The following PSD3 variants were observed in gnomAD, a reference collection of about 807,000 sequenced individuals.
PSD3 encodes PH and SEC7 domain-containing protein 3.
In PSD3, 49 loss-of-function variants were observed where a neutral mutation model predicts 105.5. That is an observed-to-expected ratio of 0.46 (90% CI 0.37 to 0.59). PSD3 has a LOEUF of 0.59. Ranked by LOEUF, PSD3 falls within the 20% of genes least tolerant of loss-of-function variation. The pLI, the probability that PSD3 is intolerant of heterozygous loss-of-function variation, is 0.00. For synonymous variants in PSD3, 557 were observed against 457.8 expected, an observed-to-expected ratio of 1.22 and a Z score of -2.77; for missense variants, 1,561 against 1,263.8, an observed-to-expected ratio of 1.24 and a Z score of -3.57.
intron 9 of PSD3, among the ~76,000 whole-genome samples, chr8:18,702,596 C>T (rs971376598): frequency 6.6e-6 from 1 of 151,870 alleles, no homozygotes; most frequent in Non-Finnish European, 1.5e-5. Context: ...TCTCTTCTAG[C>T]TATAGGTACT....
chr8:18,643,169 C>T (rs1807776129), intron 10 of PSD3, among the ~76,000 whole-genome samples: 2 of 152,168 alleles, frequency 1.3e-5, no homozygotes, highest in Non-Finnish European at 2.9e-5. Flanking sequence ...CTTGCTACAT[C>T]ATCCCATTGT....
At chr8:18,560,808 G>A (rs1186090524) in intron 14 of PSD3, among the ~76,000 whole-genome samples, 3 of 152,154 alleles carry the variant, frequency 2.0e-5, no homozygotes, top group African/African-American at 4.8e-5. Flanking sequence ...TGGTTTCATT[G>A]TATCCCCTTC....
intron 1 of PSD3, among the ~76,000 whole-genome samples, chr8:19,055,260 C>T (rs1416859111): frequency 6.6e-6 from 1 of 152,112 alleles, no homozygotes; most frequent in Admixed American, 6.6e-5. Context: ...GATTTATAGA[C>T]TCTTTTTTTT....
intron 9 of PSD3, among the ~76,000 whole-genome samples, chr8:18,693,493 T>C (rs2131002973): frequency 6.6e-6 from 1 of 152,352 alleles, no homozygotes; most frequent in South Asian, 2.1e-4. Context: ...TTGTTGATTT[T>C]AGGCTACTCA....
At chr8:18,791,880 AAAAC>A (rs1809754681) in intron 8 of PSD3, among the ~76,000 whole-genome samples, 2 of 152,206 alleles carry the variant, frequency 1.3e-5, no homozygotes, top group African/African-American at 4.8e-5. Flanking sequence ...GTATAAGGAA[AAAAC>A]AAACAATCAC....
At chr8:18,810,225 T>G (rs1811579728) in intron 4 of PSD3, among the ~76,000 whole-genome samples, 1 of 152,212 alleles carries the variant, frequency 6.6e-6, no homozygotes, top group Non-Finnish European at 1.5e-5. Flanking sequence ...TGAATTCTGG[T>G]TTGAATCCTC....
At chr8:19,026,617 C>A (rs1187658306) in intron 1 of PSD3, among the ~76,000 whole-genome samples, 1 of 148,936 alleles carries the variant, frequency 6.7e-6, no homozygotes, top group Admixed American at 6.9e-5. Flanking sequence ...ATAATCCCAG[C>A]ACTCTGGGAG....
chr8:18,611,241 T>C (rs1805238793), intron 11 of PSD3, among the ~76,000 whole-genome samples: 1 of 139,084 alleles, frequency 7.2e-6, no homozygotes, highest in Admixed American at 7.4e-5. Flanking sequence ...TAATTTAATG[T>C]AGGATTTTGG....
rs145917397 is a variant in PSD3 at position 18,624,443 on chromosome 8, G to A, written c.2410+8170C>T. ...TTTTTGCCCATTTTTCTACTGAGTT[G>A]TATTTTTTATAAGTAATTTAAAATT... On this transcript the variant is annotated intron_variant, in intron 11 of 15. Transcript: ENST00000327040. Among the ~76,000 whole-genome samples, 1,079 of 145,524 alleles carry A rather than the reference G, an allele frequency of 7.4e-3. 12 individuals are homozygous for A. Among genetic ancestry groups the A allele is most frequent in the African/African-American group, 0.026 (1,021 of 39,256 alleles).
chr8:18,628,225 A>C (rs1466066483), intron 11 of PSD3, among the ~76,000 whole-genome samples: 1 of 151,956 alleles, frequency 6.6e-6, no homozygotes, highest in Non-Finnish European at 1.5e-5. Flanking sequence ...CTATGAATCC[A>C]AGAACCCCAA....
Position 18,984,914 on chromosome 8 carries a change from T to C in PSD3, c.21+28649A>G, listed in dbSNP as rs536007824. Among the ~76,000 whole-genome samples the C allele has an allele frequency of 2.0e-5, 3 of 152,274 alleles. No individual in the cohort carries two copies. The South Asian group carries it at 6.2e-4, about 32-fold the overall frequency. ...TGTCACCAGGAAATGGTCCTAACCCTGACCCATCACGCTTCGCTTTTTTGT... is the reference window on the plus strand; with the variant it reads ...TGTCACCAGGAAATGGTCCTAACCCCGACCCATCACGCTTCGCTTTTTTGT... On this transcript the variant is annotated intron_variant, in intron 1 of 15. Coordinates refer to ENST00000327040, the MANE Select transcript of PSD3 (RefSeq NM_015310.4).
chr8:18,765,914 G>A (rs1407663381), intron 8 of PSD3, among the ~76,000 whole-genome samples: 80 of 151,610 alleles, frequency 5.3e-4, no homozygotes, highest in Non-Finnish European at 2.1e-4. Context: ...GTTGCAGCGA[G>A]CGGAGATGGT....
chr8:18,727,604 C>T (rs1297472187), intron 9 of PSD3, among the ~76,000 whole-genome samples: 1 of 150,870 alleles, frequency 6.6e-6, no homozygotes, highest in South Asian at 2.1e-4. Flanking sequence ...ACACACCCCT[C>T]TTATTCATCT....
Position 18,533,582 on chromosome 8 carries a change from A to T in PSD3, c.*2161T>A, listed in dbSNP as rs1799714449. On this transcript the variant is annotated 3_prime_UTR_variant, in exon 16 of 16. Transcript: ENST00000327040. ...TTAAATAAGTAAAATACATACAGAC[A>T]TTCTATATACATAGATATAGACTGT... The T allele has an allele frequency of 6.6e-6, 1 of 152,200 alleles. No homozygotes were observed. The highest frequency in any genetic ancestry group is 6.5e-5 in the Admixed American group (1 of 15,280). The allele number at this position is 152,200 out of a possible 1,614,324, so 9.4% of individuals were successfully genotyped here. A position where few individuals can be genotyped will look rare whatever the true frequency, so the allele number is the denominator to read the frequency against.
chr8:18,896,509 G>A (rs758737677), intron 2 of PSD3, among the ~76,000 whole-genome samples: 4 of 152,142 alleles, frequency 2.6e-5, no homozygotes, highest in Non-Finnish European at 4.4e-5. Flanking sequence ...GACCCCCTGG[G>A]ATCAAGTGAT....
At chr8:18,635,708 A>C (rs2130780649) in intron 10 of PSD3, among the ~76,000 whole-genome samples, 1 of 152,296 alleles carries the variant, frequency 6.6e-6, no homozygotes, top group African/African-American at 2.4e-5. Context: ...GGAGTCATAA[A>C]AAAGAATGAA....
At chr8:18,799,380 C>T (rs999001373) in intron 7 of PSD3, 27 bp from the exon 8 acceptor site, 1 of 1,418,644 alleles carries the variant, frequency 7.0e-7, no homozygotes, top group South Asian at 1.2e-5. Context: ...GAAAAAAAAG[C>T]ATGAATTCGC....
chr8:18,613,366 C>A (rs543820846), intron 11 of PSD3, among the ~76,000 whole-genome samples: 1 of 152,080 alleles, frequency 6.6e-6, no homozygotes, highest in Non-Finnish European at 1.5e-5. Flanking sequence ...TGGTCTCTCT[C>A]GTTTCTGTGT....
chr8:19,026,740 GCA>G (rs1425407803), intron 1 of PSD3, among the ~76,000 whole-genome samples: 2 of 148,420 alleles, frequency 1.3e-5, no homozygotes, highest in African/African-American at 5.0e-5. Flanking sequence ...GGCTGTGGCA[GCA>G]CACACCTATA....
Sources: gnomAD v4.1 joint callset for allele counts (sites outside exome capture counted in the v4.1 genomes callset) on GRCh38, gnomAD v4.1.1 for gene constraint, MANE v1.5 for transcripts, NCBI Gene and HGNC (gene_info 2026-07-23, HGNC 2026-07-21) for gene names.